Variants in SPATS2 observed in about 807,000 individuals in gnomAD.
SPATS2 encodes the protein spermatogenesis-associated serine-rich protein 2.
SPATS2 carries 38 observed loss-of-function variants against 63.7 expected under a neutral mutation model. The ratio of observed to expected loss-of-function variants is 0.60; its 90% confidence interval spans 0.46 to 0.78. The LOEUF is 0.78. SPATS2 is among the 30% of genes least tolerant of loss of function. SPATS2 has a pLI of 0.00. For synonymous variants in SPATS2, 207 were observed against 232.9 expected (o/e 0.89, Z 1.01); for missense variants, 588 against 666.2 (o/e 0.88, Z 1.29).
chr12:49,379,418 G>A (rs1944168995), intron 2 of SPATS2, among the ~76,000 whole-genome samples: 1 of 148,524 alleles, frequency 6.7e-6, no homozygotes, highest in African/African-American at 2.5e-5. Context: ...GGGCATGGTA[G>A]CGGGTGCCTG....
At chr12:49,439,322 A>G (rs1025968836) in intron 2 of SPATS2, among the ~76,000 whole-genome samples, 18 of 152,248 alleles carry the variant, frequency 1.2e-4, no homozygotes, top group African/African-American at 4.1e-4. Context: ...GGGAGCACTG[A>G]AGGGTTTTGA....
At chr12:49,382,440 T>C (rs934818512) in intron 2 of SPATS2, among the ~76,000 whole-genome samples, 1 of 152,260 alleles carries the variant, frequency 6.6e-6, no homozygotes, top group Non-Finnish European at 1.5e-5. Context: ...AGAATTTTTA[T>C]ACCGTATGAA....
intron 6 of SPATS2, among the ~76,000 whole-genome samples, chr12:49,492,068 C>A (rs1946391730): frequency 6.6e-6 from 1 of 152,140 alleles, no homozygotes; most frequent in Admixed American, 6.6e-5. Context: ...AGAATTTTTT[C>A]CAAGGGTTAC....
chr12:49,407,533 G>A (rs1944717909), intron 2 of SPATS2, among the ~76,000 whole-genome samples: 2 of 152,090 alleles, frequency 1.3e-5, no homozygotes, highest in African/African-American at 2.4e-5. Context: ...CAGAACATTT[G>A]TGCTTGCTGT....
In SPATS2 at chr12:49,367,577, G is replaced by T. The variant is rs1943920977; in HGVS notation, c.-317G>T. 5.0e-6 allele frequency: 2 copies of T among 398,522 alleles called. No homozygotes were observed. Among genetic ancestry groups the T allele is most frequent in the Middle Eastern group, 1.3e-3 (2 of 1,592 alleles). The allele number at this position is 398,522 out of a possible 1,614,324, so 24.7% of individuals were successfully genotyped here. On this transcript the variant is annotated 5_prime_UTR_variant, in exon 1 of 14. Coordinates refer to ENST00000552918, the MANE Select transcript of SPATS2 (RefSeq NM_023071.4). ...CTGGGGCGACGAGGCGATTGCGGGGGCCTGGGCTAGGTGAGGCTAAGGGTG... is the reference window on the plus strand; with the variant it reads ...CTGGGGCGACGAGGCGATTGCGGGGTCCTGGGCTAGGTGAGGCTAAGGGTG...
At chr12:49,509,125 A>G (rs1267308237) in intron 9 of SPATS2, among the ~76,000 whole-genome samples, 3 of 151,926 alleles carry the variant, frequency 2.0e-5, no homozygotes, top group African/African-American at 7.3e-5. Flanking sequence ...TTTTCCTTAA[A>G]CAGATTATAA....
At chr12:49,478,535 T>C (rs972535373) in intron 3 of SPATS2, among the ~76,000 whole-genome samples, 3 of 152,152 alleles carry the variant, frequency 2.0e-5, no homozygotes, top group Non-Finnish European at 2.9e-5. Context: ...CTGTGTTCAG[T>C]CTGAAGGAGA....
rs575448331 is a variant in SPATS2 at position 49,425,684 on chromosome 12, CA to C, written c.-243-35085del. On this transcript the variant is annotated intron_variant, in intron 2 of 13. Transcript: ENST00000552918. ...CTTCTCTGTTGCCCAGGCTGGAGTG[CA>C]GTGGCACGATCTCAGCTCACTGCAT... 1.4e-4 allele frequency among the ~76,000 whole-genome samples: 21 copies of C among 151,948 alleles called. No homozygotes were observed. In the South Asian group the frequency reaches 4.4e-3, roughly 32 times the overall value.
In SPATS2 at chr12:49,526,087, T is replaced by A. The variant is rs1366604487; in HGVS notation, c.1470T>A (p.Ser490Arg). ...SWYSSGSRYQ[S>R]APSQAPGNTI... is the part of the protein sequence containing the mutation. ...ATTCATCTGGTTCCAGGTATCAGAG[T>A]GCTCCATCTCAGGCACCAGGAAACA... is the stretch of plus-strand genomic sequence containing the variant. Residue 490 changes from serine (S) to arginine (R), a missense_variant, in exon 14 of 14, where the codon AGT (serine) becomes AGA (arginine). Physicochemically the swap from Ser to Arg is moderately radical, Grantham distance 110. Coordinates refer to ENST00000552918, the MANE Select transcript of SPATS2 (RefSeq NM_023071.4). 1 of 1,614,108 alleles carries A rather than the reference T, an allele frequency of 6.2e-7. No individual in the cohort carries two copies.
intron 4 of SPATS2, among the ~76,000 whole-genome samples, chr12:49,485,758 T>C (rs919535641): frequency 7.7e-6 from 1 of 129,812 alleles, no homozygotes; most frequent in Non-Finnish European, 1.7e-5. Flanking sequence ...ATGGGCTCTC[T>C]TTTTTTTTTT....
intron 2 of SPATS2, among the ~76,000 whole-genome samples, chr12:49,426,303 C>T (rs1363779262): frequency 6.6e-6 from 1 of 151,888 alleles, no homozygotes; most frequent in Non-Finnish European, 1.5e-5. Context: ...AACCACTATT[C>T]AGATCAGGAT....
At chr12:49,493,426 G>A (rs1475826305) in intron 6 of SPATS2, among the ~76,000 whole-genome samples, 2 of 149,430 alleles carry the variant, frequency 1.3e-5, no homozygotes, top group Non-Finnish European at 3.0e-5. Flanking sequence ...ATTTGAGATG[G>A]AGTGTCACTC....
chr12:49,514,000 C>CA (rs984639115), intron 9 of SPATS2, among the ~76,000 whole-genome samples: 5 of 151,384 alleles, frequency 3.3e-5, no homozygotes, highest in East Asian at 1.9e-4. Context: ...ACTAAAAATA[C>CA]AAAAAAAATA....
At chr12:49,429,266 T>TA (rs1158038354) in intron 2 of SPATS2, among the ~76,000 whole-genome samples, 1 of 152,122 alleles carries the variant, frequency 6.6e-6, no homozygotes, top group African/African-American at 2.4e-5. Context: ...TTTTTTTTAT[T>TA]AAAAAAATTA....
At chr12:49,501,679 A>G (rs1946569859) in intron 9 of SPATS2, among the ~76,000 whole-genome samples, 1 of 152,102 alleles carries the variant, frequency 6.6e-6, no homozygotes, top group Non-Finnish European at 1.5e-5. Context: ...GAGTGGCCCA[A>G]TCTTGGCTCA....
rs1279598700 is a variant in SPATS2 at position 49,466,692 on chromosome 12, ATGGC to A, written c.25+5657_25+5660del. On this transcript the variant is annotated intron_variant, in intron 3 of 13. Transcript: ENST00000552918. ...ATGCTAGTACACTGTATTGATTAGT[ATGGC>A]TTTATAGTAAATATAGTTTAATAAG... 3.3e-5 allele frequency among the ~76,000 whole-genome samples: 5 copies of A among 152,196 alleles called. No individual in the cohort carries two copies. The South Asian group carries it at 8.3e-4, about 25-fold the overall frequency.
At chr12:49,429,038 TAGG>T (rs1251378354) in intron 2 of SPATS2, among the ~76,000 whole-genome samples, 1 of 152,114 alleles carries the variant, frequency 6.6e-6, no homozygotes, top group East Asian at 1.9e-4. Flanking sequence ...AGCAGTAAAA[TAGG>T]AGGAGACAAA....
chr12:49,522,958 C>T, intron 12 of SPATS2, 105 bp downstream of exon 12: 1 of 937,894 alleles, frequency 1.1e-6, no homozygotes. Context: ...CTCTTGTTTG[C>T]TTGTTTATAT....
chr12:49,524,597 C>T, intron 12 of SPATS2, 85 bp from the exon 13 acceptor site: 2 of 1,376,548 alleles, frequency 1.5e-6, no homozygotes, highest in Non-Finnish European at 2.0e-6. Context: ...TCTTAAATTG[C>T]TCATTGTGAA....
Sources: gnomAD v4.1 joint callset for allele counts (sites outside exome capture counted in the v4.1 genomes callset) on GRCh38, gnomAD v4.1.1 for gene constraint, MANE v1.5 for transcripts, NCBI Gene and HGNC (gene_info 2026-07-23, HGNC 2026-07-21) for gene names.